SLC2A9: variants seen among roughly 807,000 people sequenced by gnomAD.
SLC2A9 encodes the protein solute carrier family 2 member 9.
In SLC2A9, 39 loss-of-function variants were observed where a neutral mutation model predicts 50.6. That is an observed-to-expected ratio of 0.77 (90% CI 0.60 to 1.01). The LOEUF is 1.01. Ranked by LOEUF, SLC2A9 falls within the 50% of genes least tolerant of loss-of-function variation. SLC2A9 has a pLI of 0.00. For missense variants in SLC2A9, 686 were observed against 677.6 expected, an observed-to-expected ratio of 1.01 and a Z score of -0.14; for synonymous variants, 324 against 276.9, an observed-to-expected ratio of 1.17 and a Z score of -1.69.
chr4:9,915,945 G>C (rs996157695), intron 7 of SLC2A9, among the ~76,000 whole-genome samples: 1 of 152,178 alleles, frequency 6.6e-6, no homozygotes, highest in Admixed American at 6.5e-5. Context: ...AACTCCTAAT[G>C]ATGGTTCAAC....
chr4:9,864,168 T>C (rs1237871038), intron 10 of SLC2A9, among the ~76,000 whole-genome samples: 2 of 152,036 alleles, frequency 1.3e-5, no homozygotes, highest in Non-Finnish European at 2.9e-5. Context: ...TTCTTTGCCA[T>C]TTGGGGATTG....
At chr4:10,036,447 C>T (rs1764107721) in intron 1 of SLC2A9, among the ~76,000 whole-genome samples, 1 of 152,362 alleles carries the variant, frequency 6.6e-6, no homozygotes, top group East Asian at 1.9e-4. Context: ...AAGGCCATCG[C>T]TCTTCCATAA....
chr4:9,994,469 T>TGA (rs1393440418), intron 3 of SLC2A9, among the ~76,000 whole-genome samples: 12 of 152,168 alleles, frequency 7.9e-5, no homozygotes, highest in Admixed American at 7.9e-4. Context: ...TCCTTTGATC[T>TGA]GATCTTTTTC....
At chr4:9,887,448 C>T (rs779622913) in intron 10 of SLC2A9, 119 bp downstream of exon 10, 21 of 935,270 alleles carry the variant, frequency 2.2e-5, no homozygotes, top group Non-Finnish European at 3.4e-5. Flanking sequence ...AGACACACAT[C>T]CCCAGTCAGG....
chr4:9,943,299 G>A (rs1224795028), intron 5 of SLC2A9, among the ~76,000 whole-genome samples: 1 of 152,206 alleles, frequency 6.6e-6, no homozygotes, highest in Non-Finnish European at 1.5e-5. Context: ...TCTAAGGGGT[G>A]CCTTAGATTT....
At chr4:9,888,080 C>A (rs1417502435) in intron 9 of SLC2A9, among the ~76,000 whole-genome samples, 2 of 133,310 alleles carry the variant, frequency 1.5e-5, no homozygotes, top group Non-Finnish European at 3.0e-5. Context: ...AACACATGGA[C>A]ACAGGGAGGG....
chr4:9,794,813 G>T (rs1239267098), downstream of SLC2A9, among the ~76,000 whole-genome samples: 1 of 152,068 alleles, frequency 6.6e-6, no homozygotes, highest in Admixed American at 6.6e-5. Flanking sequence ...GCAACGAGGG[G>T]ATCTGATACT....
chr4:9,985,582 C>T, intron 4 of SLC2A9, 87 bp downstream of exon 4: 2 of 1,559,808 alleles, frequency 1.3e-6, no homozygotes, highest in East Asian at 2.3e-5. Context: ...GAGCCCCAGT[C>T]ATGTGACAGC....
rs141701224 is a variant in SLC2A9, at chr4:9,980,094, C to T, written c.681+498G>A. ...AAATCATCGAACTGGGATTCAAATT[C>T]AGGCCCACCTGCTCCCAAAACAGCA... On this transcript the variant is annotated intron_variant, in intron 5 of 11. Transcript: ENST00000264784. 2.6e-3 allele frequency among the ~76,000 whole-genome samples: 403 copies of T among 152,266 alleles called. 1 individual carries two copies. The highest frequency in any genetic ancestry group is 9.2e-3 in the African/African-American group (383 of 41,520).
intron 5 of SLC2A9, among the ~76,000 whole-genome samples, chr4:9,974,429 T>A: frequency 6.6e-6 from 1 of 151,824 alleles, no homozygotes; most frequent in South Asian, 2.1e-4. Flanking sequence ...GGATACAAAA[T>A]CAGTGTACAA....
chr4:9,817,881 C>T lies in SLC2A9; in HGVS notation n.420+8539G>A, dbSNP rs1723830493. ...AATCCCTGCTGCCAGAGGCCAAGCT[C>T]GACCAATCACTGGCTTTGTCTGTCC... On this transcript the variant is annotated intron_variant and non_coding_transcript_variant, in intron 3 of 3. Transcript: ENST00000503280. 3.9e-5 allele frequency among the ~76,000 whole-genome samples: 6 copies of T among 152,216 alleles called. No homozygotes were observed. The South Asian group carries it at 1.2e-3, about 31-fold the overall frequency.
intron 10 of SLC2A9, among the ~76,000 whole-genome samples, chr4:9,882,754 A>G (rs1225862470): frequency 6.6e-6 from 1 of 151,272 alleles, no homozygotes; most frequent in East Asian, 1.9e-4. Flanking sequence ...GGAAGGATTT[A>G]GCAGCTGATC....
At chr4:9,980,827 C>T (rs990462445) in intron 4 of SLC2A9, 90 bp from the exon 5 acceptor site, 1 of 1,560,642 alleles carries the variant, frequency 6.4e-7, no homozygotes, top group Non-Finnish European at 8.8e-7. Flanking sequence ...CTCTGCTTTG[C>T]CCTGGACATT....
intron 10 of SLC2A9, among the ~76,000 whole-genome samples, chr4:9,836,905 G>A (rs1441485595): frequency 6.6e-6 from 1 of 152,172 alleles, no homozygotes; most frequent in Admixed American, 6.5e-5. Flanking sequence ...AAGCTTTCAA[G>A]GTAAGCATTG....
chr4:9,860,892 C>T (rs943320229), intron 10 of SLC2A9, among the ~76,000 whole-genome samples: 2 of 152,196 alleles, frequency 1.3e-5, no homozygotes, highest in Non-Finnish European at 2.9e-5. Context: ...GCTCCTCTGC[C>T]TGGATTGCTC....
intron 3 of SLC2A9, chr4:9,782,603 G>T (rs774641147): frequency 6.2e-7 from 1 of 1,613,950 alleles, no homozygotes; most frequent in East Asian, 2.2e-5. Context: ...GGGCGGGCTG[G>T]ACCTGCCAAA....
chr4:9,844,153 AAAAAAATAATAAT>A lies in SLC2A9; in HGVS notation c.1292-9158_1292-9146del, dbSNP rs992853526. 1.9e-4 allele frequency among the ~76,000 whole-genome samples: 18 copies of A among 96,398 alleles called. 4 individuals are homozygous for A. Among genetic ancestry groups the A allele is most frequent in the African/African-American group, 5.4e-4 (10 of 18,648 alleles). The allele number at this position is 96,398 out of a possible 152,430, so 63.2% of individuals were successfully genotyped here. A position where few individuals can be genotyped will look rare whatever the true frequency, so the allele number is the denominator to read the frequency against. ...TGGTGGAAGAGCCAGATTTAGTAAA[AAAAAAATAATAAT>A]AAAAAAAAAAAAAAGTCCTTCTGAC... is the stretch of plus-strand genomic sequence containing the variant. On this transcript the variant is annotated intron_variant, in intron 10 of 11. Transcript: ENST00000264784.
chr4:9,869,966 T>C (rs1733146594), intron 10 of SLC2A9, among the ~76,000 whole-genome samples: 1 of 152,196 alleles, frequency 6.6e-6, no homozygotes, highest in Non-Finnish European at 1.5e-5. Context: ...CTAAATGCAA[T>C]CACACATGTC....
chr4:9,833,556 G>A (rs1010815648), intron 11 of SLC2A9, among the ~76,000 whole-genome samples: 1 of 152,160 alleles, frequency 6.6e-6, no homozygotes, highest in African/African-American at 2.4e-5. Context: ...CCATGCATGG[G>A]GGAGGGTGCG....
Sources: gnomAD v4.1 joint callset for allele counts (sites outside exome capture counted in the v4.1 genomes callset) on GRCh38, gnomAD v4.1.1 for gene constraint, MANE v1.5 for transcripts, NCBI Gene and HGNC (gene_info 2026-07-23, HGNC 2026-07-21) for gene names.